Variants in COL4A4 observed in about 807,000 individuals in gnomAD.
COL4A4 encodes the protein collagen type IV alpha 4 chain, also known as collagen alpha-4(IV) chain.
In COL4A4, 105 loss-of-function variants were observed where a neutral mutation model predicts 192.9. The observed-to-expected ratio is 0.54, with a 90% CI of 0.46 to 0.64. The LOEUF is 0.64. Among genes scored for constraint, COL4A4 ranks in the 30% least tolerant of loss-of-function variants. COL4A4 has a pLI of 0.00. For missense variants in COL4A4, 1,967 were observed against 2,169.3 expected (o/e 0.91, Z 1.85); for synonymous variants, 762 against 769.9 (o/e 0.99, Z 0.17).
chr2:227,055,496 T>TA (rs931789719), intron 30 of COL4A4, among the ~76,000 whole-genome samples: 15 of 151,322 alleles, frequency 9.9e-5, no homozygotes, highest in African/African-American at 2.4e-4. Flanking sequence ...CTCTGTCTCC[T>TA]AAAAAAAATA....
At chr2:227,105,626 T>C (rs1302214496) in intron 12 of COL4A4, among the ~76,000 whole-genome samples, 1 of 152,230 alleles carries the variant, frequency 6.6e-6, no homozygotes, top group Non-Finnish European at 1.5e-5. Context: ...GTTTCTTGAA[T>C]GAATTTTGCC....
chr2:227,107,081 G>A (rs936326935), intron 12 of COL4A4, among the ~76,000 whole-genome samples: 9 of 152,170 alleles, frequency 5.9e-5, no homozygotes, highest in Non-Finnish European at 1.0e-4. Context: ...CTGTGGCTTC[G>A]ACGAACATAT....
chr2:227,133,016 C>T (rs1179931618), intron 4 of COL4A4, among the ~76,000 whole-genome samples: 1 of 152,192 alleles, frequency 6.6e-6, no homozygotes, highest in Non-Finnish European at 1.5e-5. Context: ...ATTATTTCCC[C>T]CAAACTGTGC....
At chr2:227,015,421 T>TG (rs565111892) in intron 44 of COL4A4, among the ~76,000 whole-genome samples, 4 of 152,168 alleles carry the variant, frequency 2.6e-5, no homozygotes, top group South Asian at 2.1e-4. Context: ...AAATCAGGTC[T>TG]GGGGGGGACC....
rs1391551210 is a variant in COL4A4 at position 227,002,889 on chromosome 2, C to G, written c.*4436G>C. 6.6e-6 allele frequency: 1 copy of G among 152,658 alleles called. No individual in the cohort carries two copies. The allele number at this position is 152,658 out of a possible 1,614,324, so 9.5% of individuals were successfully genotyped here. A position where few individuals can be genotyped will look rare whatever the true frequency, so the allele number is the denominator to read the frequency against. ...GATGCAATTTATTAGACACATTTCACATTTTTCCCATGAATCATTAAATAT... is the reference window on the plus strand; with the variant it reads ...GATGCAATTTATTAGACACATTTCAGATTTTTCCCATGAATCATTAAATAT... On this transcript the variant is annotated 3_prime_UTR_variant, in exon 48 of 48. Coordinates refer to ENST00000396625, the MANE Select transcript of COL4A4 (RefSeq NM_000092.5).
chr2:227,120,668 T>A (rs2061725287), intron 5 of COL4A4: 1 of 287,146 alleles, frequency 3.5e-6, no homozygotes, highest in African/African-American at 2.2e-5. Flanking sequence ...CCAGGCACAG[T>A]GGCCAACGCC....
the COL4A4 span, among the ~76,000 whole-genome samples, chr2:226,972,702 C>A: frequency 2.6e-5 from 4 of 152,308 alleles, no homozygotes; most frequent in African/African-American, 9.6e-5. Flanking sequence ...GATAGTGACA[C>A]AACAGTGAAC....
rs201615111 is a variant in COL4A4, at chr2:227,010,414, G to A, written c.4421C>T (p.Thr1474Met). ...CAGGGGGCAGGTGGGCTCCTGGTCC[G>A]TCTGACTGTGGAGAACCAGGAGGAA... ...GGFLLVLHSQ[T>M]DQEPTCPLGM... The change falls in exon 46 of 48, where the codon ACG becomes ATG. Residue 1474 changes from threonine (T) to methionine (M), a missense_variant. Thr to Met is a moderately conservative substitution (Grantham distance 81). Coordinates refer to ENST00000396625, the MANE Select transcript of COL4A4 (RefSeq NM_000092.5). The A allele has an allele frequency of 5.5e-5, 89 of 1,614,156 alleles. No homozygotes were observed. The East Asian group carries it at 1.0e-3, about 19-fold the overall frequency.
At chr2:227,149,000 TTTTA>T (rs1223721048) in intron 1 of COL4A4, among the ~76,000 whole-genome samples, 4 of 151,896 alleles carry the variant, frequency 2.6e-5, no homozygotes, top group Non-Finnish European at 5.9e-5. Context: ...CCGGCTAATT[TTTTA>T]TTTATTTATT....
intron 3 of COL4A4, among the ~76,000 whole-genome samples, chr2:227,142,293 A>T (rs1460504309): frequency 6.6e-6 from 1 of 152,212 alleles, no homozygotes; most frequent in Non-Finnish European, 1.5e-5. Flanking sequence ...TTCATTTTAA[A>T]AGATAAACAC....
downstream of COL4A4, among the ~76,000 whole-genome samples, chr2:227,000,904 T>C (rs1960775677): frequency 6.6e-6 from 1 of 152,036 alleles, no homozygotes; most frequent in African/African-American, 2.4e-5. Context: ...CAAGCTCTCT[T>C]CTCTTGTCAG....
chr2:227,059,577 C>A lies in COL4A4; in HGVS notation c.2211G>T (p.Gly737=), dbSNP rs1329616730. 6.2e-7 allele frequency: 1 copy of A among 1,614,080 alleles called. No homozygotes were observed. Among genetic ancestry groups the A allele is most frequent in the Non-Finnish European group, 8.5e-7 (1 of 1,180,014 alleles). ...GGCCTGGGGGCCCAACAGGGGAGGACCCCTTTTCACCTCCAAAACCCGGAT... is the reference window on the plus strand; with the variant it reads ...GGCCTGGGGGCCCAACAGGGGAGGAACCCTTTTCACCTCCAAAACCCGGAT... The part of the protein sequence containing the change: ...MGDPGFGGEK[G]SSPVGPPGPP... Residue 737 remains glycine (G), a synonymous_variant, in exon 28 of 48, where the codon GGG becomes GGT. Coordinates refer to ENST00000396625, the MANE Select transcript of COL4A4 (RefSeq NM_000092.5).
the COL4A4 span, among the ~76,000 whole-genome samples, chr2:226,994,286 C>T: frequency 6.6e-6 from 1 of 152,184 alleles, no homozygotes; most frequent in Non-Finnish European, 1.5e-5. Context: ...GTCAGGGGGT[C>T]CCCTACCATT....
chr2:227,021,955 G>T, intron 44 of COL4A4, 93 bp downstream of exon 44: 1 of 1,427,754 alleles, frequency 7.0e-7, no homozygotes, highest in South Asian at 1.3e-5. Context: ...CAGTAGTTTA[G>T]GCTCCATATA....
chr2:227,032,155 T>TC lies in COL4A4; in HGVS notation c.3698dup (p.Pro1234ThrfsTer19). On this transcript the variant is annotated frameshift_variant, in exon 39 of 48. Coordinates refer to ENST00000396625, the MANE Select transcript of COL4A4 (RefSeq NM_000092.5). LOFTEE classifies it high-confidence loss of function. ...AAGCATGCTACAGCTTACCTGGGGG[T>TC]CCTGGGGGACCTTTCTTTCCACGAG... 1 of 1,614,002 alleles carries TC rather than the reference T, an allele frequency of 6.2e-7. No homozygotes were observed.
chr2:227,055,417 C>T (rs1188467475), intron 30 of COL4A4, among the ~76,000 whole-genome samples: 2 of 151,908 alleles, frequency 1.3e-5, no homozygotes, highest in African/African-American at 2.4e-5. Flanking sequence ...ATCACTTGAG[C>T]CCAGGAGTTC....
rs1962286101 is a variant in COL4A4, at chr2:227,007,044, T to G, written c.*281A>C. 2.1e-6 allele frequency: 1 copy of G among 479,942 alleles called. No individual in the cohort carries two copies. The highest frequency in any genetic ancestry group is 4.0e-5 in the East Asian group (1 of 25,006). The allele number at this position is 479,942 out of a possible 1,614,324, so 29.7% of individuals were successfully genotyped here. ...GGCCTTTATCATCTACTTGCCTTTCTGAGAATTAGCATATTTTTAAGTAAA... is the reference window on the plus strand; with the variant it reads ...GGCCTTTATCATCTACTTGCCTTTCGGAGAATTAGCATATTTTTAAGTAAA... On this transcript the variant is annotated 3_prime_UTR_variant, in exon 48 of 48. Coordinates refer to ENST00000396625, the MANE Select transcript of COL4A4 (RefSeq NM_000092.5).
rs780102207 is a variant in COL4A4 at position 227,147,484 on chromosome 2, C to T, written c.-1G>A. On this transcript the variant is annotated 5_prime_UTR_variant, in exon 2 of 48. Coordinates refer to ENST00000396625, the MANE Select transcript of COL4A4 (RefSeq NM_000092.5). ...TTAGTACTATGTGCAGAGACCACATCGCAGGCAAGTCTTAGTACTTAAAAA... is the reference window on the plus strand; with the variant it reads ...TTAGTACTATGTGCAGAGACCACATTGCAGGCAAGTCTTAGTACTTAAAAA... The T allele has an allele frequency of 3.5e-5, 56 of 1,613,286 alleles. No homozygotes were observed. The highest frequency in any genetic ancestry group is 1.0e-4 in the Admixed American group (6 of 59,972).
At chr2:227,047,689 TAAG>T in intron 34 of COL4A4, 140 bp from the exon 35 acceptor site, 1 of 640,124 alleles carries the variant, frequency 1.6e-6, no homozygotes, top group Admixed American at 2.5e-5. Context: ...TTATTCTAAA[TAAG>T]AACAAATAGA....
Sources: allele counts gnomAD v4.1 joint callset (sites outside exome capture counted in the v4.1 genomes callset), GRCh38; gene constraint gnomAD v4.1.1; transcripts MANE v1.5; gene names NCBI Gene and HGNC (gene_info 2026-07-23, HGNC 2026-07-21).